SLC44A5: variants seen among roughly 807,000 people sequenced by gnomAD.
The protein encoded by SLC44A5 is choline transporter-like protein 5.
Under a neutral mutation model 101.8 loss-of-function variants are expected in SLC44A5, and 57 were observed. That is an observed-to-expected ratio of 0.56 (90% CI 0.45 to 0.70). The LOEUF is 0.70. Ranked by LOEUF, SLC44A5 falls within the 30% of genes least tolerant of loss-of-function variation. The pLI is 0.00. For missense variants in SLC44A5, 737 were observed against 853.1 expected, an observed-to-expected ratio of 0.86 and a Z score of 1.70; for synonymous variants, 281 against 290.9, an observed-to-expected ratio of 0.97 and a Z score of 0.35.
intron 1 of SLC44A5, among the ~76,000 whole-genome samples, chr1:75,571,962 A>G (rs1428643738): frequency 1.3e-5 from 2 of 152,252 alleles, no homozygotes; most frequent in Non-Finnish European, 2.9e-5. Flanking sequence ...AGCAAAACTA[A>G]GTGCTAGAAG....
rs561568108 is a variant in SLC44A5, at chr1:75,236,787, G to A, written c.740+200C>T. ...TAAAATTTACACTCTGCCAACAGTG[G>A]GCATATTTCCAAATATCTTTTCCCT... On this transcript the variant is annotated intron_variant, in intron 11 of 23. Transcript: ENST00000370859. 3.3e-5 allele frequency among the ~76,000 whole-genome samples: 5 copies of A among 151,972 alleles called. No individual in the cohort carries two copies. In the East Asian group the frequency reaches 9.7e-4, roughly 29 times the overall value.
At chr1:75,587,579 TC>T (rs1386773256) in intron 1 of SLC44A5, among the ~76,000 whole-genome samples, 2 of 152,244 alleles carry the variant, frequency 1.3e-5, no homozygotes, top group Non-Finnish European at 2.9e-5. Flanking sequence ...ATACCTTTCC[TC>T]CAGTTGTTGT....
chr1:75,466,123 T>C (rs1442755730), intron 2 of SLC44A5, among the ~76,000 whole-genome samples: 1 of 152,100 alleles, frequency 6.6e-6, no homozygotes, highest in Non-Finnish European at 1.5e-5. Context: ...CACAAATATC[T>C]TCAACAAAAT....
At chr1:75,276,387 A>G (rs1651921580) in intron 5 of SLC44A5, among the ~76,000 whole-genome samples, 1 of 152,194 alleles carries the variant, frequency 6.6e-6, no homozygotes, top group South Asian at 2.1e-4. Flanking sequence ...AATCTAAGAA[A>G]GAGCTTTATT....
intron 6 of SLC44A5, among the ~76,000 whole-genome samples, chr1:75,265,382 G>T (rs145092884): frequency 4.4e-4 from 67 of 152,266 alleles, no homozygotes; most frequent in African/African-American, 1.5e-3. Context: ...CTAGCAAACT[G>T]AAAGCATATG....
chr1:75,615,791 C>T, upstream of SLC44A5: 1 of 922,054 alleles, frequency 1.1e-6, no homozygotes, highest in Non-Finnish European at 1.3e-6. Context: ...ACAGGCCGGC[C>T]CGAGGGGCAG....
intron 10 of SLC44A5, 60 bp from the exon 11 acceptor site, chr1:75,237,130 C>A: frequency 9.7e-7 from 1 of 1,027,876 alleles, no homozygotes; most frequent in South Asian, 1.5e-5. Context: ...CAGAAATGTT[C>A]TTTTTATGAT....
chr1:75,659,443 G>GGGAGGGAT, the SLC44A5 span, among the ~76,000 whole-genome samples: 1 of 61,106 alleles, frequency 1.6e-5, no homozygotes, highest in Non-Finnish European at 3.1e-5. Context: ...GAGGGAGGGA[G>GGGAGGGAT]GGAAGGAAGG....
chr1:75,693,710 C>T, the SLC44A5 span, among the ~76,000 whole-genome samples: 1 of 151,844 alleles, frequency 6.6e-6, no homozygotes, highest in African/African-American at 2.4e-5. Flanking sequence ...GAGAAACTAG[C>T]AAAGGAAAAA....
chr1:75,558,270 T>G (rs1308876457), intron 1 of SLC44A5, among the ~76,000 whole-genome samples: 9 of 152,262 alleles, frequency 5.9e-5, no homozygotes, highest in African/African-American at 2.2e-4. Context: ...TCTAAATTTT[T>G]TATTATTTGA....
At chr1:75,429,081 G>A (rs1308180367) in intron 2 of SLC44A5, among the ~76,000 whole-genome samples, 1 of 152,162 alleles carries the variant, frequency 6.6e-6, no homozygotes, top group Admixed American at 6.5e-5. Context: ...TCCATCCTTA[G>A]GGATTCTGAT....
At chr1:75,653,557 C>T in the SLC44A5 span, among the ~76,000 whole-genome samples, 5 of 152,086 alleles carry the variant, frequency 3.3e-5, no homozygotes, top group African/African-American at 4.8e-5. Flanking sequence ...GACTGAAACA[C>T]GCATATAATT....
chr1:75,707,741 C>T, the SLC44A5 span, among the ~76,000 whole-genome samples: 1 of 151,932 alleles, frequency 6.6e-6, no homozygotes, highest in Admixed American at 6.6e-5. Context: ...AAAGGGTTTC[C>T]AAATATATGA....
the SLC44A5 span, among the ~76,000 whole-genome samples, chr1:75,679,760 C>A: frequency 1.3e-5 from 2 of 151,730 alleles, no homozygotes; most frequent in South Asian, 4.2e-4. Flanking sequence ...TCACACATAA[C>A]ACTATTAACT....
intron 3 of SLC44A5, among the ~76,000 whole-genome samples, chr1:75,385,093 C>T (rs1280944214): frequency 1.3e-5 from 2 of 152,046 alleles, no homozygotes; most frequent in Non-Finnish European, 2.9e-5. Context: ...TAAATGCCCA[C>T]AAGAGAAAGC....
rs1490708078 is a variant in SLC44A5, at chr1:75,218,710, G to A, written c.1309C>T (p.Leu437=). The change falls in exon 17 of 24, where the codon CTG becomes TTG. Residue 437 remains leucine, a synonymous_variant. Coordinates refer to ENST00000370859, the MANE Select transcript of SLC44A5 (RefSeq NM_001130058.2). ...CCACCATAGAAAGCAAAGTTACACA[G>A]AGCCCCAGGGCAAGCTTTGGCAATT... ...TEIAKACPGA[L]CNFAFYGGKS... is the part of the protein sequence containing the mutation. 19 of 1,613,348 alleles carry A rather than the reference G, an allele frequency of 1.2e-5. No homozygotes were observed. Among genetic ancestry groups the A allele is most frequent in the Non-Finnish European group, 1.5e-5 (18 of 1,179,634 alleles).
intron 2 of SLC44A5, among the ~76,000 whole-genome samples, chr1:75,428,222 C>T (rs1260256835): frequency 6.6e-6 from 1 of 152,130 alleles, no homozygotes; most frequent in East Asian, 1.9e-4. Flanking sequence ...TGTATCCTGA[C>T]TAATGCAGAA....
chr1:75,717,010 GGCAACAGA>G, the SLC44A5 span, among the ~76,000 whole-genome samples: 4 of 151,570 alleles, frequency 2.6e-5, no homozygotes, highest in Non-Finnish European at 5.9e-5. Flanking sequence ...CTCCAGCCTG[GGCAACAGA>G]GCAAGACTCC....
intron 3 of SLC44A5, among the ~76,000 whole-genome samples, chr1:75,383,605 GA>G (rs1314028682): frequency 2.0e-5 from 3 of 152,162 alleles, no homozygotes; most frequent in Admixed American, 2.0e-4. Context: ...GTGACGGGGA[GA>G]ATGGAACCAA....
Sources: gnomAD v4.1 joint callset for allele counts (sites outside exome capture counted in the v4.1 genomes callset) on GRCh38, gnomAD v4.1.1 for gene constraint, MANE v1.5 for transcripts, NCBI Gene and HGNC (gene_info 2026-07-23, HGNC 2026-07-21) for gene names.